Variants in SLC9A7 observed in about 807,000 individuals in gnomAD.
SLC9A7 encodes sodium/hydrogen exchanger 7.
A neutral mutation model predicts 52.6 loss-of-function variants in SLC9A7; 19 were observed. That is an observed-to-expected ratio of 0.36 (90% CI 0.25 to 0.53). The LOEUF is 0.53. Ranked by LOEUF, SLC9A7 falls within the 20% of genes least tolerant of loss-of-function variation. The pLI is 0.91. For synonymous variants in SLC9A7, 226 were observed against 252.1 expected (o/e 0.90, Z 0.98); for missense variants, 455 against 597.9 (o/e 0.76, Z 2.49).
At chrX:46,627,778 T>TGGGG (rs11362478) in intron 14 of SLC9A7, among the ~76,000 whole-genome samples, 4 of 63,104 alleles carry the variant, frequency 6.3e-5, no homozygotes, top group Admixed American at 3.9e-4. Flanking sequence ...ATGGGCGGGT[T>TGGGG]GGGGGGGGGG....
At chrX:46,609,699 C>CA (rs1164962411) in intron 16 of SLC9A7, among the ~76,000 whole-genome samples, 1 of 107,671 alleles carries the variant, frequency 9.3e-6, no homozygotes, top group Non-Finnish European at 1.9e-5. Context: ...GACTCTGTCT[C>CA]AAAAAACAAA....
chrX:46,753,283 C>A (rs929560174), intron 1 of SLC9A7, among the ~76,000 whole-genome samples: 2 of 111,823 alleles, frequency 1.8e-5, no homozygotes, highest in Non-Finnish European at 3.8e-5. Flanking sequence ...CACCTCCCCT[C>A]TCTCTCTCCC....
chrX:46,642,707 G>A (rs1003574220), intron 12 of SLC9A7, among the ~76,000 whole-genome samples: 41 of 112,053 alleles, frequency 3.7e-4, no homozygotes, highest in African/African-American at 1.2e-3. Flanking sequence ...AAAGCCACAG[G>A]CAGAGGACAT....
At chrX:46,749,953 T>C (rs1213287020) in intron 1 of SLC9A7, among the ~76,000 whole-genome samples, 1 of 110,046 alleles carries the variant, frequency 9.1e-6, no homozygotes, top group Non-Finnish European at 1.9e-5. Flanking sequence ...TGGTGGAGCA[T>C]GCCTGTAATC....
intron 14 of SLC9A7, among the ~76,000 whole-genome samples, chrX:46,630,935 C>A (rs181841928): frequency 6.3e-4 from 71 of 112,571 alleles, no homozygotes; most frequent in African/African-American, 2.2e-3. Flanking sequence ...AGCCACCATG[C>A]TGGCAGGCAG....
intron 1 of SLC9A7, among the ~76,000 whole-genome samples, chrX:46,699,846 T>C (rs1460964983): frequency 8.9e-6 from 1 of 111,903 alleles, no homozygotes; most frequent in Non-Finnish European, 1.9e-5. Context: ...CCATGCACAG[T>C]GGCTCATGCC....
intron 1 of SLC9A7, among the ~76,000 whole-genome samples, chrX:46,738,082 AGAAAGAAAGAAAGAAAGAAAGAAAG>A (rs1945157615): frequency 1.3e-5 from 1 of 75,946 alleles, no homozygotes; most frequent in African/African-American, 3.7e-5. Flanking sequence ...AAAGAAAGAA[AGAAAGAAAGAAAGAAAGAAAGAAAG>A]AGAAAAGAAA....
At chrX:46,618,891 T>G (rs200632412) in intron 15 of SLC9A7, among the ~76,000 whole-genome samples, 4 of 108,078 alleles carry the variant, frequency 3.7e-5, no homozygotes, top group African/African-American at 1.4e-4. Context: ...CTGCAGTGAG[T>G]TGAGATCACA....
chrX:46,754,733 T>C (rs886566301), intron 1 of SLC9A7, among the ~76,000 whole-genome samples: 6 of 111,613 alleles, frequency 5.4e-5, no homozygotes, highest in African/African-American at 2.0e-4. Context: ...TGGGTTAGCA[T>C]GGCAGAGTCA....
Position 46,651,118 on chromosome X carries a change from C to T in SLC9A7, c.1342G>A (p.Gly448Arg). 1 of 1,200,709 alleles carries T rather than the reference C, an allele frequency of 8.3e-7. No individual in the cohort carries two copies. Among genetic ancestry groups the T allele is most frequent in the Non-Finnish European group, 1.1e-6 (1 of 886,856 alleles). Residue 448 changes from glycine (G) to arginine (R), a missense_variant, in exon 10 of 17, where the codon GGA becomes AGA. Gly to Arg is a moderately radical substitution (Grantham distance 125, BLOSUM62 -2). Coordinates refer to ENST00000616978, the MANE Select transcript of SLC9A7 (RefSeq NM_001257291.2). Reference sequence around the variant, plus strand: ...GAACAAGAAAAGGATACAAAAGCTCCGATGATGAAAATGGGGCTGAAAACG... The same window carrying T: ...GAACAAGAAAAGGATACAAAAGCTCTGATGATGAAAATGGGGCTGAAAACG... ...KHVFSPIFII[G>R]AFVAIFLGRA...
chrX:46,668,276 G>A (rs999580424), intron 5 of SLC9A7, among the ~76,000 whole-genome samples: 14 of 111,343 alleles, frequency 1.3e-4, no homozygotes, highest in African/African-American at 1.6e-4. Flanking sequence ...TTGGGAGGCC[G>A]AGGTGGGCGG....
intron 1 of SLC9A7, among the ~76,000 whole-genome samples, chrX:46,707,331 T>G (rs1944619484): frequency 1.8e-5 from 2 of 112,158 alleles, no homozygotes; most frequent in Non-Finnish European, 3.8e-5. Flanking sequence ...TAGAACTAAT[T>G]AAGGATCTGA....
At chrX:46,613,770 G>A (rs12559685) in intron 15 of SLC9A7, among the ~76,000 whole-genome samples, 1 of 111,975 alleles carries the variant, frequency 8.9e-6, no homozygotes, top group Non-Finnish European at 1.9e-5. Flanking sequence ...TGTCCCTGGA[G>A]TGGGGAGTTG....
In SLC9A7 at chrX:46,758,924, C is replaced by G. The variant is rs782130335; in HGVS notation, c.106G>C (p.Ala36Pro). The change falls in exon 1 of 17, where the codon GCG becomes CCG. Residue 36 changes from alanine (A) to proline (P), a missense_variant. Coordinates refer to ENST00000616978, the MANE Select transcript of SLC9A7 (RefSeq NM_001257291.2). Reference protein sequence around the residue: ...PLLLGWGLRVAAAASASSSGA... With the variant: ...PLLLGWGLRVPAAASASSSGA... ...GAGGAGGAGGCCGAGGCCGCGGCCG[C>G]GACTCGCAGCCCCCAACCCAGCAGC... The G allele has an allele frequency of 2.6e-6, 3 of 1,147,998 alleles. No homozygotes were observed. Among genetic ancestry groups the G allele is most frequent in the South Asian group, 4.0e-5 (2 of 49,767 alleles). The allele number at this position is 1,147,998 out of a possible 1,213,427, so 94.6% of individuals were successfully genotyped here. A position where few individuals can be genotyped will look rare whatever the true frequency, so the allele number is the denominator to read the frequency against.
chrX:46,661,058 T>C (rs1318371239), intron 7 of SLC9A7, among the ~76,000 whole-genome samples: 1 of 111,497 alleles, frequency 9.0e-6, no homozygotes, highest in Non-Finnish European at 1.9e-5. Context: ...AATGATGAGT[T>C]CATGTCCTTT....
intron 14 of SLC9A7, among the ~76,000 whole-genome samples, chrX:46,622,430 C>T (rs1569502475): frequency 9.0e-6 from 1 of 111,536 alleles, no homozygotes; most frequent in Non-Finnish European, 1.9e-5. Context: ...TGGAAAAAAT[C>T]AAATGGTTCT....
chrX:46,613,507 A>G (rs969076399), intron 15 of SLC9A7, 113 bp from the exon 16 acceptor site: 5 of 460,079 alleles, frequency 1.1e-5, no homozygotes, highest in Non-Finnish European at 1.8e-5. Flanking sequence ...TCCCCATTTT[A>G]CTCGTACAAC....
chrX:46,704,879 C>T lies in SLC9A7; in HGVS notation c.326-22344G>A, dbSNP rs771914057. Among the ~76,000 whole-genome samples, 9 of 111,448 alleles carry T rather than the reference C, an allele frequency of 8.1e-5. No homozygotes were observed. In the East Asian group the frequency reaches 2.2e-3, roughly 28 times the overall value. On this transcript the variant is annotated intron_variant, in intron 1 of 16. Transcript: ENST00000616978. ...CACACACCTGTCCTACCTGCCAACACACTACTGACAATAAAGCCAACCAGG... is the reference window on the plus strand; with the variant it reads ...CACACACCTGTCCTACCTGCCAACATACTACTGACAATAAAGCCAACCAGG...
chrX:46,650,490 T>A (rs1171908040), intron 10 of SLC9A7, among the ~76,000 whole-genome samples: 1 of 105,528 alleles, frequency 9.5e-6, no homozygotes. Flanking sequence ...TTCCTTCTCC[T>A]TTTTTTTTTG....
Sources: allele counts gnomAD v4.1 joint callset (sites outside exome capture counted in the v4.1 genomes callset), GRCh38; gene constraint gnomAD v4.1.1; transcripts MANE v1.5; gene names NCBI Gene and HGNC (gene_info 2026-07-23, HGNC 2026-07-21).